The following TRIM45 variants were observed in gnomAD, a reference collection of about 807,000 sequenced individuals.
The protein encoded by TRIM45 is E3 ubiquitin-protein ligase TRIM45.
TRIM45 carries 45 observed loss-of-function variants against 46.7 expected under a neutral mutation model. The observed-to-expected ratio is 0.96, with a 90% confidence interval of 0.76 to 1.24. The LOEUF (loss-of-function observed/expected upper bound fraction) is 1.24, where lower values mean the gene tolerates loss of function less well. Ranked by LOEUF, TRIM45 falls within the 50% of genes most tolerant of loss-of-function variation. TRIM45 has a pLI of 0.00. For missense variants in TRIM45, 680 were observed against 728.4 expected, an observed-to-expected ratio of 0.93 and a Z score of 0.77; for synonymous variants, 259 against 285.8, an observed-to-expected ratio of 0.91 and a Z score of 0.94.
Position 117,112,471 on chromosome 1 carries a change from G to T in TRIM45, c.1595-18C>A. The stretch of plus-strand genomic sequence containing the variant: ...GTACCCACCTACATGGGACAAAGAG[G>T]AAAGGACAAAAATCAACCATTAGCG... On this transcript the variant is annotated intron_variant, in intron 5 of 5. Transcript: ENST00000256649. The T allele has an allele frequency of 1.3e-6, 2 of 1,593,070 alleles. No homozygotes were observed. The highest frequency in any genetic ancestry group is 1.7e-6 in the Non-Finnish European group (2 of 1,170,728).
Position 117,118,887 on chromosome 1 carries a change from C to T in TRIM45, c.489-120G>A. ...AAACAAACCTGATTTCAATTCCTTG[C>T]TCTAATCTCTAATTGCATGAACCTC... On this transcript the variant is annotated intron_variant, in intron 1 of 5. Transcript: ENST00000256649. The surrounding 1 kb of genome is among the most constrained non-coding windows in gnomAD (Gnocchi z 5.7). The T allele has an allele frequency of 7.9e-7, 1 of 1,271,662 alleles. No homozygotes were observed. The highest frequency in any genetic ancestry group is 1.1e-6 in the Non-Finnish European group (1 of 924,400). The allele number at this position is 1,271,662 out of a possible 1,614,324, so 78.8% of individuals were successfully genotyped here. A position where few individuals can be genotyped will look rare whatever the true frequency, so the allele number is the denominator to read the frequency against.
chr1:117,115,094 A>C lies in TRIM45; in HGVS notation c.1467+481T>G, dbSNP rs1316670435. 6.6e-6 allele frequency among the ~76,000 whole-genome samples: 1 copy of C among 152,154 alleles called. No individual in the cohort carries two copies. Among genetic ancestry groups the C allele is most frequent in the Non-Finnish European group, 1.5e-5 (1 of 68,030 alleles). On this transcript the variant is annotated intron_variant, in intron 4 of 5. Transcript: ENST00000256649. The surrounding 1 kb of genome is among the most constrained non-coding windows in gnomAD (Gnocchi z 4.2). ...TTATAGGAACCATAGTAACAGAAAA[A>C]CCTATATGTAAAACAGAGTAGAAAA... is the stretch of plus-strand genomic sequence containing the variant.
rs1650426988 is a variant in TRIM45 at position 117,116,985 on chromosome 1, TC to T, written c.1223-241del. Among the ~76,000 whole-genome samples the T allele has an allele frequency of 1.3e-5, 2 of 151,942 alleles. No individual in the cohort carries two copies. Among genetic ancestry groups the T allele is most frequent in the African/African-American group, 4.8e-5 (2 of 41,362 alleles). On this transcript the variant is annotated intron_variant, in intron 2 of 5. Coordinates refer to ENST00000256649, the MANE Select transcript of TRIM45 (RefSeq NM_025188.4). This position sits in a 1 kb window ranked among gnomAD's most constrained non-coding sequence, Gnocchi z 4.6. ...ACAGGATCCTGGACCTTACCTTCAG[TC>T]CTAGGACTGAAGGTCCTATGCTTTA...
Position 117,113,532 on chromosome 1 carries a change from C to A in TRIM45, c.1468-47G>T. On this transcript the variant is annotated intron_variant, in intron 4 of 5. Transcript: ENST00000256649. The surrounding 1 kb of genome is among the most constrained non-coding windows in gnomAD (Gnocchi z 4.0). Reference sequence around the variant, plus strand: ...CAATGAACAGCATCTTACGAGTTAACAGGATGTGCTGCGCATCACTATGTG... The same window carrying A: ...CAATGAACAGCATCTTACGAGTTAAAAGGATGTGCTGCGCATCACTATGTG... 6.3e-7 allele frequency: 1 copy of A among 1,597,032 alleles called. No individual in the cohort carries two copies. The highest frequency in any genetic ancestry group is 8.5e-7 in the Non-Finnish European group (1 of 1,169,954).
In TRIM45 at chr1:117,118,867, A is replaced by T; in HGVS notation, c.489-100T>A. On this transcript the variant is annotated intron_variant, in intron 1 of 5. Transcript: ENST00000256649. The surrounding 1 kb of genome is among the most constrained non-coding windows in gnomAD (Gnocchi z 5.7). ...GGAGCACAGGATCTGAAGTTAAACA[A>T]ACCTGATTTCAATTCCTTGCTCTAA... 6.9e-7 allele frequency: 1 copy of T among 1,440,672 alleles called. No homozygotes were observed. Among genetic ancestry groups the T allele is most frequent in the African/African-American group, 1.4e-5 (1 of 70,324 alleles). 89.2% of individuals were successfully genotyped at this position (1,440,672 alleles called of 1,614,324 possible).
intron 1 of TRIM45, among the ~76,000 whole-genome samples, chr1:117,120,287 CATA>C (rs1302899861): frequency 6.6e-6 from 1 of 152,198 alleles, no homozygotes; most frequent in Non-Finnish European, 1.5e-5. Context: ...TGGCAAATCA[CATA>C]ATATTGCTGA....
chr1:117,118,500 C>T lies in TRIM45; in HGVS notation c.756G>A (p.Leu252=). 3 of 1,614,208 alleles carry T rather than the reference C, an allele frequency of 1.9e-6. No individual in the cohort carries two copies. Among genetic ancestry groups the T allele is most frequent in the East Asian group, 2.2e-5 (1 of 44,882 alleles). The change falls in exon 2 of 6, where the codon CTG becomes CTA. Residue 252 remains leucine, a synonymous_variant. Transcript: ENST00000256649. This position sits in a 1 kb window ranked among gnomAD's most constrained non-coding sequence, Gnocchi z 5.7. ...LKGTQPHVEA[L]EEALAQIHII... ...TGTGGATCTGAGCCAGGGCTTCCTC[C>T]AGGGCCTCCACGTGGGGCTGAGTAC...
In TRIM45 at chr1:117,118,348, C is replaced by G. The variant is rs373545989; in HGVS notation, c.908G>C (p.Arg303Pro). The G allele has an allele frequency of 3.1e-6, 5 of 1,614,018 alleles. No individual in the cohort carries two copies. In the African/African-American group the frequency reaches 5.3e-5, roughly 17 times the overall value. The change falls in exon 2 of 6, where the codon CGG becomes CCG. Residue 303 changes from arginine to proline, a missense_variant. Transcript: ENST00000256649. This position sits in a 1 kb window ranked among gnomAD's most constrained non-coding sequence, Gnocchi z 5.7. Reference protein sequence around the residue: ...DKLLKQLEDIRAQKENSLQLQ... With the variant: ...DKLLKQLEDIPAQKENSLQLQ... ...CTGCAGGGAATTTTCCTTCTGGGCC[C>G]GTATGTCTTCCAGCTGCTTCAGCAG...
At position 117,118,528 on chromosome 1, in the gene TRIM45, T is replaced by C. The variant is rs1395512045; in HGVS notation, c.728A>G (p.Lys243Arg). The C allele has an allele frequency of 8.7e-6, 14 of 1,614,020 alleles. No individual in the cohort carries two copies. The highest frequency in any genetic ancestry group is 2.7e-5 in the African/African-American group (2 of 74,904). The change falls in exon 2 of 6, where the codon AAA becomes AGA. Residue 243 changes from lysine to arginine, a missense_variant. By Grantham distance (26) the Lys-to-Arg change is conservative (BLOSUM62 2). Coordinates refer to ENST00000256649, the MANE Select transcript of TRIM45 (RefSeq NM_025188.4). This position sits in a 1 kb window ranked among gnomAD's most constrained non-coding sequence, Gnocchi z 5.7. ...GGCCTCCACGTGGGGCTGAGTACCT[T>C]TGAGGAGCTCCCACACAGAGTCCCC... is the stretch of plus-strand genomic sequence containing the variant. ...KHGDSVWELL[K>R]GTQPHVEALE...
rs1204707942 is a variant in TRIM45, at chr1:117,120,744, T to C, written c.458A>G (p.Asn153Ser). The C allele has an allele frequency of 1.2e-6, 2 of 1,611,668 alleles. No homozygotes were observed. The highest frequency in any genetic ancestry group is 1.3e-5 in the African/African-American group (1 of 74,842). ...AGCCTGGCAGCAGAAGTGGCAGAGG[T>C]TGGCTTTGCAGGTCTGACACCTCTT... is the stretch of plus-strand genomic sequence containing the variant. ...VEKRCQTCKA[N>S]LCHFCCQAHR... Residue 153 changes from asparagine (N) to serine (S), a missense_variant, in exon 1 of 6, where the codon AAC (asparagine) becomes AGC (serine). Physicochemically the swap from Asn to Ser is conservative, Grantham distance 46. Transcript: ENST00000256649.
chr1:117,121,349 G>A lies in TRIM45; in HGVS notation c.-148C>T, dbSNP rs561422999. On this transcript the variant is annotated 5_prime_UTR_variant, in exon 1 of 6. Transcript: ENST00000256649. The surrounding 1 kb of genome is among the most constrained non-coding windows in gnomAD (Gnocchi z 4.2). ...CTCGCTGACAAATAAAAGGGCAGACGGGAAGACGAGGCGTCCTCGAAGGAA... is the reference window on the plus strand; with the variant it reads ...CTCGCTGACAAATAAAAGGGCAGACAGGAAGACGAGGCGTCCTCGAAGGAA... 1.2e-4 allele frequency: 110 copies of A among 914,120 alleles called. No homozygotes were observed. In the South Asian group the frequency reaches 2.0e-3, roughly 16 times the overall value. The allele number at this position is 914,120 out of a possible 1,614,324, so 56.6% of individuals were successfully genotyped here.
chr1:117,121,417 C>A lies in TRIM45; in HGVS notation c.-216G>T. 1 of 564,304 alleles carries A rather than the reference C, an allele frequency of 1.8e-6. No homozygotes were observed. 35.0% of individuals were successfully genotyped at this position (564,304 alleles called of 1,614,324 possible). A position where few individuals can be genotyped will look rare whatever the true frequency, so the allele number is the denominator to read the frequency against. Reference sequence around the variant, plus strand: ...CAGGAGGGCCCCCTCCTTTCCACTGCATCCCACACCAGACACGCCCACGCC... The same window carrying A: ...CAGGAGGGCCCCCTCCTTTCCACTGAATCCCACACCAGACACGCCCACGCC... On this transcript the variant is annotated 5_prime_UTR_variant, in exon 1 of 6. It removes an upstream start codon present in the reference 5' UTR. Transcript: ENST00000256649. The surrounding 1 kb of genome is among the most constrained non-coding windows in gnomAD (Gnocchi z 4.2).
At position 117,113,488 on chromosome 1, in the gene TRIM45, G is replaced by A. The variant is rs751208591; in HGVS notation, c.1468-3C>T. The A allele has an allele frequency of 6.2e-7, 1 of 1,612,490 alleles. No homozygotes were observed. The highest frequency in any genetic ancestry group is 1.1e-5 in the South Asian group (1 of 90,962). ...ACCATCACAGTGAATGGCGAGCCCT[G>A]CAGTGTTCAGACCAAAAGCAATGAA... is the stretch of plus-strand genomic sequence containing the variant. On this transcript the variant is annotated splice_polypyrimidine_tract_variant and splice_region_variant and intron_variant, in intron 4 of 5. Coordinates refer to ENST00000256649, the MANE Select transcript of TRIM45 (RefSeq NM_025188.4). The surrounding 1 kb of genome is among the most constrained non-coding windows in gnomAD (Gnocchi z 4.0).
upstream of TRIM45, chr1:117,121,980 C>T (rs1650662524): frequency 1.6e-6 from 1 of 610,494 alleles, no homozygotes; most frequent in East Asian, 3.0e-5. The surrounding 1 kb of genome is among the most constrained non-coding windows in gnomAD (Gnocchi z 4.2). Flanking sequence ...AGGAAAAGGC[C>T]AAGGCTCGGA....
At chr1:117,122,462 CT>C (rs1481666033), upstream of TRIM45, 2 of 152,380 alleles carry the variant, frequency 1.3e-5, no homozygotes, top group Non-Finnish European at 2.9e-5. Flanking sequence ...GGAGGGCTTA[CT>C]TCGGCCGGGC....
chr1:117,118,300 T>A lies in TRIM45; in HGVS notation c.956A>T (p.Gln319Leu). The A allele has an allele frequency of 6.2e-7, 1 of 1,614,214 alleles. No homozygotes were observed. The highest frequency in any genetic ancestry group is 1.3e-5 in the African/African-American group (1 of 75,054). ...TCCAGTCCGCATGTCTGCCAGTAAC[T>A]GTTCCAGCTGGGCCTTCTGCAGCTG... Reference protein sequence around the residue: ...SLQLQKAQLEQLLADMRTGVE... With the variant: ...SLQLQKAQLELLLADMRTGVE... Residue 319 changes from glutamine to leucine, a missense_variant, in exon 2 of 6, where the codon CAG becomes CTG. Coordinates refer to ENST00000256649, the MANE Select transcript of TRIM45 (RefSeq NM_025188.4). This position sits in a 1 kb window ranked among gnomAD's most constrained non-coding sequence, Gnocchi z 5.7.
In TRIM45 at chr1:117,118,683, A is replaced by G. The variant is rs1180564095; in HGVS notation, c.573T>C (p.Cys191=). The change falls in exon 2 of 6, where the codon TGT becomes TGC. Residue 191 remains cysteine (C), a synonymous_variant. Transcript: ENST00000256649. The surrounding 1 kb of genome is among the most constrained non-coding windows in gnomAD (Gnocchi z 5.7). ...GYSRIGKPIL[C]PVHPAEELRL... is the part of the protein sequence containing the mutation. ...TCAGTTCCTCTGCAGGGTGAACAGG[A>G]CACAGGATGGGCTTCCCAATCCGGC... The G allele has an allele frequency of 6.2e-7, 1 of 1,613,918 alleles. No individual in the cohort carries two copies. Among genetic ancestry groups the G allele is most frequent in the South Asian group, 1.1e-5 (1 of 91,084 alleles).
Position 117,115,690 on chromosome 1 carries a change from C to T in TRIM45, c.1353-1G>A. Reference sequence around the variant, plus strand: ...ATCCTGGACCATTGTTCTGACTGGGCTGAATGGAGATAAGAGTCAAAACAC... The same window carrying T: ...ATCCTGGACCATTGTTCTGACTGGGTTGAATGGAGATAAGAGTCAAAACAC... On this transcript the variant is annotated splice_acceptor_variant, in intron 3 of 5. Coordinates refer to ENST00000256649, the MANE Select transcript of TRIM45 (RefSeq NM_025188.4). LOFTEE classifies it high-confidence loss of function. This position sits in a 1 kb window ranked among gnomAD's most constrained non-coding sequence, Gnocchi z 4.2. The T allele has an allele frequency of 6.2e-7, 1 of 1,609,314 alleles. No homozygotes were observed. The highest frequency in any genetic ancestry group is 8.5e-7 in the Non-Finnish European group (1 of 1,175,762).
chr1:117,115,580 C>T lies in TRIM45; in HGVS notation c.1462G>A (p.Val488Met), dbSNP rs1650367435. The change falls in exon 4 of 6, where the codon GTG (valine) becomes ATG (methionine). Residue 488 changes from valine to methionine, a missense_variant. This residue lies in a region of TRIM45 where 322 missense variants were observed against 359.3 expected (regional missense o/e 0.90). Transcript: ENST00000256649. This position sits in a 1 kb window ranked among gnomAD's most constrained non-coding sequence, Gnocchi z 4.2. ...TVWVCIKEQH[V>M]QGSPFTVMVR... ...AGCACGTGCACCAGTCTTACCTGCACATGCTGTTCTTTGATGCAGACCCAC... is the reference window on the plus strand; with the variant it reads ...AGCACGTGCACCAGTCTTACCTGCATATGCTGTTCTTTGATGCAGACCCAC... 1 of 1,613,264 alleles carries T rather than the reference C, an allele frequency of 6.2e-7. No individual in the cohort carries two copies. The highest frequency in any genetic ancestry group is 1.3e-5 in the African/African-American group (1 of 74,926).
Sources: gnomAD v4.1 joint callset for allele counts (sites outside exome capture counted in the v4.1 genomes callset) on GRCh38, gnomAD v4.1.1 for gene constraint, gnomAD v4.1.1 regional missense constraint, Gnocchi (gnomAD v3.1) non-coding constraint, MANE v1.5 for transcripts, NCBI Gene and HGNC (gene_info 2026-07-23, HGNC 2026-07-21) for gene names.